The following EEA1 variants were observed in gnomAD, a reference collection of about 807,000 sequenced individuals.
EEA1 encodes the protein early endosome antigen 1, 162kD.
Under a neutral mutation model 209.2 loss-of-function variants are expected in EEA1, and 111 were observed. The ratio of observed to expected loss-of-function variants is 0.53; its 90% CI spans 0.45 to 0.62. The LOEUF (loss-of-function observed/expected upper bound fraction) is 0.62. Among genes scored for constraint, EEA1 ranks in the 20% least tolerant of loss-of-function variants. The pLI, the probability that EEA1 is intolerant of heterozygous loss-of-function variation, is 0.00. For synonymous variants in EEA1, 536 were observed against 540.6 expected (o/e 0.99, Z 0.12); for missense variants, 1,343 against 1,530.8 (o/e 0.88, Z 2.05).
At chr12:92,857,791 T>C (rs1360949160) in intron 3 of EEA1, among the ~76,000 whole-genome samples, 1 of 152,232 alleles carries the variant, frequency 6.6e-6, no homozygotes, top group Non-Finnish European at 1.5e-5. Context: ...TAAGCATCAA[T>C]GGCTTCCTAT....
At chr12:92,873,633 C>T (rs1307104152) in intron 2 of EEA1, among the ~76,000 whole-genome samples, 2 of 152,082 alleles carry the variant, frequency 1.3e-5, no homozygotes, top group Non-Finnish European at 2.9e-5. Context: ...AAAACAGATG[C>T]CAGATGGGAA....
At chr12:92,907,768 G>C (rs1880434484) in intron 1 of EEA1, among the ~76,000 whole-genome samples, 1 of 152,118 alleles carries the variant, frequency 6.6e-6, no homozygotes, top group Non-Finnish European at 1.5e-5. Flanking sequence ...CTCCAGCTTA[G>C]TCAATAATAT....
rs1363014660 is a variant in EEA1 at position 92,774,328 on chromosome 12, T to A, written c.*1683A>T. 1 of 151,360 alleles carries A rather than the reference T, an allele frequency of 6.6e-6. No homozygotes were observed. Among genetic ancestry groups the A allele is most frequent in the Non-Finnish European group, 1.5e-5 (1 of 67,500 alleles). The allele number at this position is 151,360 out of a possible 1,614,324, so 9.4% of individuals were successfully genotyped here. A position where few individuals can be genotyped will look rare whatever the true frequency, so the allele number is the denominator to read the frequency against. ...TAATGACAACAGGGTTTACTTAAAT[T>A]TTTTTTTAAATAATTAAACAAATAT... is the stretch of plus-strand genomic sequence containing the variant. On this transcript the variant is annotated 3_prime_UTR_variant, in exon 29 of 29. Transcript: ENST00000322349.
intron 13 of EEA1, among the ~76,000 whole-genome samples, chr12:92,823,332 TTAAG>T (rs1424095561): frequency 6.6e-6 from 1 of 152,208 alleles, no homozygotes; most frequent in Non-Finnish European, 1.5e-5. Flanking sequence ...TCTGACTTCT[TTAAG>T]TAATCTCTAA....
At chr12:92,858,429 A>AT in intron 3 of EEA1, 1 of 1,234,990 alleles carries the variant, frequency 8.1e-7, no homozygotes, top group Non-Finnish European at 1.2e-6. Flanking sequence ...GTCACCAGAT[A>AT]TTTCTGAAGG....
At chr12:92,813,337 T>C (rs949611572) in intron 15 of EEA1, among the ~76,000 whole-genome samples, 6 of 152,198 alleles carry the variant, frequency 3.9e-5, no homozygotes, top group Non-Finnish European at 7.4e-5. Flanking sequence ...CAAAACACTT[T>C]AGTATTCCTT....
At chr12:92,900,172 C>A (rs555683288) in intron 1 of EEA1, among the ~76,000 whole-genome samples, 2 of 152,136 alleles carry the variant, frequency 1.3e-5, no homozygotes, top group Non-Finnish European at 2.9e-5. Flanking sequence ...GTAGTTAGCA[C>A]CCTGACTGTT....
intron 20 of EEA1, 23 bp downstream of exon 20, chr12:92,801,577 A>C: frequency 6.7e-7 from 1 of 1,482,976 alleles, no homozygotes; most frequent in Non-Finnish European, 9.2e-7. Flanking sequence ...TACAGATTTT[A>C]TGTTACAAAA....
At chr12:92,834,502 G>A (rs1189959870) in intron 10 of EEA1, among the ~76,000 whole-genome samples, 4 of 130,860 alleles carry the variant, frequency 3.1e-5, no homozygotes, top group Non-Finnish European at 6.2e-5. Flanking sequence ...CTAAGATCAC[G>A]CCACTGCACT....
rs933132437 is a variant in EEA1, at chr12:92,852,927, C to T, written c.505G>A (p.Ala169Thr). ...CTCAATTTACCTGCAATTTCAGTAG[C>T]AAGTTGGGCTGCTTTCTGTTCAAAT... ...DLFEQKAAQL[A>T]TEIADIKSKY... Residue 169 changes from alanine to threonine, a missense_variant, in exon 7 of 29, where the codon GCT becomes ACT. Transcript: ENST00000322349. 6.2e-7 allele frequency: 1 copy of T among 1,608,048 alleles called. No homozygotes were observed. Among genetic ancestry groups the T allele is most frequent in the African/African-American group, 1.3e-5 (1 of 74,708 alleles).
At position 92,775,704 on chromosome 12, in the gene EEA1, T is replaced by C. The variant is rs1033592216; in HGVS notation, c.*307A>G. 2 of 213,010 alleles carry C rather than the reference T, an allele frequency of 9.4e-6. No homozygotes were observed. Among genetic ancestry groups the C allele is most frequent in the African/African-American group, 2.3e-5 (1 of 43,840 alleles). The allele number at this position is 213,010 out of a possible 1,614,324, so 13.2% of individuals were successfully genotyped here. The stretch of plus-strand genomic sequence containing the variant: ...TCTTCATTTGTGAATAATGAAATTA[T>C]ATTAAAAAAATACATTGCTATTTTC... On this transcript the variant is annotated 3_prime_UTR_variant, in exon 29 of 29. Coordinates refer to ENST00000322349, the MANE Select transcript of EEA1 (RefSeq NM_003566.4).
chr12:92,919,124 G>T (rs1200900304), intron 1 of EEA1, among the ~76,000 whole-genome samples: 1 of 151,524 alleles, frequency 6.6e-6, no homozygotes, highest in East Asian at 1.9e-4. Flanking sequence ...AACCAAAAAG[G>T]GTCCAGGACC....
chr12:92,790,467 C>T (rs972776821), intron 21 of EEA1, among the ~76,000 whole-genome samples: 2 of 152,032 alleles, frequency 1.3e-5, no homozygotes, highest in African/African-American at 2.4e-5. Context: ...AACCATGGCA[C>T]GAGAACTTCA....
intron 1 of EEA1, among the ~76,000 whole-genome samples, chr12:92,909,050 T>C (rs1320692787): frequency 6.6e-6 from 1 of 152,210 alleles, no homozygotes; most frequent in African/African-American, 2.4e-5. Context: ...TGACTTGTGA[T>C]CTGCCTGCCT....
chr12:92,828,077 A>C lies in EEA1; in HGVS notation c.1255-16T>G, dbSNP rs776296766. 1 of 1,546,412 alleles carries C rather than the reference A, an allele frequency of 6.5e-7. No homozygotes were observed. The highest frequency in any genetic ancestry group is 1.3e-5 in the South Asian group (1 of 78,648). ...TGCTATGTAACTTTAAAAAAAGAAA[A>C]AAAAATGTATGTACATATGTACAAA... On this transcript the variant is annotated splice_polypyrimidine_tract_variant and intron_variant, in intron 11 of 28. Coordinates refer to ENST00000322349, the MANE Select transcript of EEA1 (RefSeq NM_003566.4).
intron 3 of EEA1, among the ~76,000 whole-genome samples, chr12:92,864,350 C>T (rs1177375855): frequency 1.3e-5 from 2 of 152,034 alleles, no homozygotes; most frequent in African/African-American, 4.8e-5. Context: ...AAAGTTATAC[C>T]ATTGAATGCT....
intron 2 of EEA1, chr12:92,884,087 A>G: frequency 8.0e-7 from 1 of 1,248,902 alleles, no homozygotes; most frequent in Non-Finnish European, 1.2e-6. Context: ...TTAACTATGA[A>G]AAAGATATTT....
Position 92,929,119 on chromosome 12 carries a change from GC to G in EEA1, c.-54del. The G allele has an allele frequency of 6.5e-7, 1 of 1,545,012 alleles. No individual in the cohort carries two copies. Among genetic ancestry groups the G allele is most frequent in the Non-Finnish European group, 8.8e-7 (1 of 1,142,028 alleles). ...GGTGACTCTCCAGACCCTGCGCGGGGCCACTCACTACTCGGGGTGCGCGGGC... is the reference window on the plus strand; with the variant it reads ...GGTGACTCTCCAGACCCTGCGCGGGGCACTCACTACTCGGGGTGCGCGGGC... On this transcript the variant is annotated 5_prime_UTR_variant, in exon 1 of 29. Transcript: ENST00000322349.
rs1311234377 is a variant in EEA1, at chr12:92,780,385, A to G, written c.3363T>C (p.Asn1121=). ...CTATCTCTGCCAATTTAGACTTCTC[A>G]TTTACCAGTTCTTTTTCTTTCAGTG... ...EKSLKEKELV[N]EKSKLAEIEE... is the part of the protein sequence containing the mutation. Residue 1121 remains asparagine, a synonymous_variant, in exon 24 of 29, where the codon AAT becomes AAC. Transcript: ENST00000322349. The G allele has an allele frequency of 6.4e-7, 1 of 1,560,352 alleles. No individual in the cohort carries two copies.
Sources: allele counts gnomAD v4.1 joint callset (sites outside exome capture counted in the v4.1 genomes callset), GRCh38; gene constraint gnomAD v4.1.1; transcripts MANE v1.5; gene names NCBI Gene and HGNC (gene_info 2026-07-23, HGNC 2026-07-21).